SLC9A9: variants seen among roughly 807,000 people sequenced by gnomAD.
SLC9A9 encodes solute carrier family 9 member A9.
In SLC9A9, 62 loss-of-function variants were observed where a neutral mutation model predicts 77.8. The observed-to-expected ratio is 0.80, with a 90% CI of 0.65 to 0.98. The LOEUF is 0.98. Ranked by LOEUF, SLC9A9 falls within the 50% of genes least tolerant of loss-of-function variation. The pLI, the probability that SLC9A9 is intolerant of heterozygous loss-of-function variation, is 0.00. For missense variants in SLC9A9, 775 were observed against 774.9 expected (o/e 1.00, Z 0.00); for synonymous variants, 320 against 283.5 (o/e 1.13, Z -1.29).
chr3:143,671,973 C>A (rs1576649417), intron 5 of SLC9A9, among the ~76,000 whole-genome samples: 1 of 152,154 alleles, frequency 6.6e-6, no homozygotes, highest in South Asian at 2.1e-4. Context: ...ATATTAGATG[C>A]TAAAAGTAGA....
chr3:143,762,524 C>G (rs78808073), intron 4 of SLC9A9, among the ~76,000 whole-genome samples: 3,257 of 152,192 alleles, frequency 0.021, 125 homozygotes, highest in African/African-American at 0.073. Context: ...CCAAATAAAT[C>G]TTTGTAATGG....
intron 6 of SLC9A9, among the ~76,000 whole-genome samples, chr3:143,626,510 G>A (rs962725179): frequency 1.4e-4 from 22 of 151,862 alleles, no homozygotes; most frequent in East Asian, 7.8e-4. Flanking sequence ...GCAAACTATC[G>A]CAAGGACAAA....
At chr3:143,343,450 CA>C (rs1364314832) in intron 14 of SLC9A9, 1 of 152,106 alleles carries the variant, frequency 6.6e-6, no homozygotes, top group Non-Finnish European at 1.5e-5. Flanking sequence ...AACAGCTAGG[CA>C]AGAACTGCCA....
rs543394123 is a variant in SLC9A9, at chr3:143,710,224, A to G, written c.534-16917T>C. On this transcript the variant is annotated intron_variant, in intron 4 of 15. Coordinates refer to ENST00000316549, the MANE Select transcript of SLC9A9 (RefSeq NM_173653.4). ...TACATGTACATATAATCTTTCATTA[A>G]TAACAAGTAAGGAAGCTTTCAAAAG... is the stretch of plus-strand genomic sequence containing the variant. Among the ~76,000 whole-genome samples the G allele has an allele frequency of 5.3e-5, 8 of 152,372 alleles. No individual in the cohort carries two copies. The East Asian group carries it at 1.5e-3, about 29-fold the overall frequency.
intron 14 of SLC9A9, among the ~76,000 whole-genome samples, chr3:143,335,627 A>G (rs1478817609): frequency 6.6e-6 from 1 of 152,142 alleles, no homozygotes. Context: ...GTATGAGCAA[A>G]TGATCTTTGA....
chr3:143,450,193 T>C (rs2034979290), intron 12 of SLC9A9, among the ~76,000 whole-genome samples: 1 of 135,148 alleles, frequency 7.4e-6, no homozygotes, highest in African/African-American at 2.7e-5. Flanking sequence ...GTAAATATAA[T>C]ATATAAATAT....
chr3:143,711,810 G>A (rs577676872), intron 4 of SLC9A9, among the ~76,000 whole-genome samples: 1 of 152,280 alleles, frequency 6.6e-6, no homozygotes, highest in South Asian at 2.1e-4. Context: ...AGCAACAGAA[G>A]TATCCGTTAA....
intron 6 of SLC9A9, among the ~76,000 whole-genome samples, chr3:143,639,869 C>T (rs901669669): frequency 7.9e-5 from 12 of 152,002 alleles, no homozygotes; most frequent in African/African-American, 2.2e-4. Context: ...CTTGAAATCC[C>T]GATGACAGTA....
intron 12 of SLC9A9, among the ~76,000 whole-genome samples, chr3:143,435,219 G>A (rs1019784897): frequency 6.6e-6 from 1 of 151,968 alleles, no homozygotes; most frequent in African/African-American, 2.4e-5. Flanking sequence ...TGGTTATACT[G>A]TAAGCATCTT....
At chr3:143,474,131 G>T (rs1461446427) in intron 11 of SLC9A9, among the ~76,000 whole-genome samples, 1 of 152,134 alleles carries the variant, frequency 6.6e-6, no homozygotes, top group African/African-American at 2.4e-5. Context: ...TAGGCTTCGG[G>T]AATAGTAGGT....
intron 6 of SLC9A9, among the ~76,000 whole-genome samples, chr3:143,595,838 A>T (rs1187843292): frequency 6.6e-6 from 1 of 152,222 alleles, no homozygotes. Context: ...TTGCTTGGTT[A>T]GTTTAAATGA....
chr3:143,817,722 T>A (rs2009058107), intron 2 of SLC9A9, among the ~76,000 whole-genome samples: 1 of 152,224 alleles, frequency 6.6e-6, no homozygotes. Context: ...TTCCCATTTA[T>A]TTCAGTTGGC....
intron 12 of SLC9A9, among the ~76,000 whole-genome samples, chr3:143,432,166 C>G (rs1049358084): frequency 3.9e-5 from 6 of 152,180 alleles, no homozygotes; most frequent in Non-Finnish European, 8.8e-5. Context: ...ACCCTGAGCA[C>G]AGGCATTTTT....
At chr3:143,408,449 G>A (rs2034026616) in intron 12 of SLC9A9, among the ~76,000 whole-genome samples, 1 of 152,154 alleles carries the variant, frequency 6.6e-6, no homozygotes. Flanking sequence ...TAATGCTGCT[G>A]CTATTAGCAC....
At chr3:143,548,476 G>C (rs962308992) in intron 9 of SLC9A9, among the ~76,000 whole-genome samples, 1 of 152,128 alleles carries the variant, frequency 6.6e-6, no homozygotes, top group African/African-American at 2.4e-5. Context: ...AGCTCCCAGG[G>C]AAAGAGACAG....
chr3:143,276,807 C>T (rs1160450616), intron 14 of SLC9A9, among the ~76,000 whole-genome samples: 1 of 151,706 alleles, frequency 6.6e-6, no homozygotes, highest in Non-Finnish European at 1.5e-5. Context: ...AAACTGCCTA[C>T]ATGCATGTTA....
At chr3:143,631,963 C>T (rs2038433780) in intron 6 of SLC9A9, among the ~76,000 whole-genome samples, 1 of 152,132 alleles carries the variant, frequency 6.6e-6, no homozygotes, top group Admixed American at 6.5e-5. Context: ...TATAGAGAAG[C>T]AGGCAAGAGA....
At chr3:143,596,751 C>T (rs1196946581) in intron 6 of SLC9A9, among the ~76,000 whole-genome samples, 1 of 152,128 alleles carries the variant, frequency 6.6e-6, no homozygotes, top group Non-Finnish European at 1.5e-5. Flanking sequence ...TAGCCTCGAC[C>T]TCCTGGGCTC....
intron 4 of SLC9A9, among the ~76,000 whole-genome samples, chr3:143,714,223 C>A (rs1378887721): frequency 3.9e-5 from 6 of 152,106 alleles, no homozygotes; most frequent in Non-Finnish European, 7.4e-5. Context: ...ACGAAGGATC[C>A]TTTTCTGGCT....
Sources: allele counts gnomAD v4.1 joint callset (sites outside exome capture counted in the v4.1 genomes callset), GRCh38; gene constraint gnomAD v4.1.1; transcripts MANE v1.5; gene names NCBI Gene and HGNC (gene_info 2026-07-23, HGNC 2026-07-21).